SLC24A2: variants seen among roughly 807,000 people sequenced by gnomAD.
SLC24A2 encodes the protein sodium/potassium/calcium exchanger 2.
Under a neutral mutation model 62.0 loss-of-function variants are expected in SLC24A2, and 36 were observed. The observed-to-expected ratio is 0.58, with a 90% CI of 0.44 to 0.77. The LOEUF (loss-of-function observed/expected upper bound fraction) is 0.77. Ranked by LOEUF, SLC24A2 falls within the 30% of genes least tolerant of loss-of-function variation. The pLI, the probability that SLC24A2 is intolerant of heterozygous loss-of-function variation, is 0.00. For missense variants in SLC24A2, 846 were observed against 817.9 expected, an observed-to-expected ratio of 1.03 and a Z score of -0.42; for synonymous variants, 358 against 294.0, an observed-to-expected ratio of 1.22 and a Z score of -2.23.
the SLC24A2 span, among the ~76,000 whole-genome samples, chr9:20,249,864 C>A: frequency 6.6e-6 from 1 of 152,152 alleles, no homozygotes; most frequent in Non-Finnish European, 1.5e-5. Flanking sequence ...TGACCTCTTA[C>A]ACCCAGAAAA....
intron 10 of SLC24A2, 53 bp from the exon 11 acceptor site, chr9:19,516,455 A>C: frequency 6.2e-7 from 1 of 1,601,130 alleles, no homozygotes; most frequent in East Asian, 2.2e-5. Context: ...GGGAGTAGTC[A>C]GACACGTTGA....
chr9:19,862,263 C>A, the SLC24A2 span, among the ~76,000 whole-genome samples: 3 of 152,056 alleles, frequency 2.0e-5, no homozygotes, highest in African/African-American at 7.2e-5. Context: ...CAGTGGAAAC[C>A]TTACAGGCTA....
the SLC24A2 span, among the ~76,000 whole-genome samples, chr9:20,191,592 A>G: frequency 6.6e-6 from 1 of 151,686 alleles, no homozygotes; most frequent in Non-Finnish European, 1.5e-5. Flanking sequence ...ATATCTAAAA[A>G]AATTATCATA....
At chr9:19,945,172 A>C in the SLC24A2 span, among the ~76,000 whole-genome samples, 5 of 152,096 alleles carry the variant, frequency 3.3e-5, no homozygotes, top group Non-Finnish European at 5.9e-5. Context: ...GGCTGGGACA[A>C]TTTTATTTGT....
chr9:20,112,453 T>C, the SLC24A2 span, among the ~76,000 whole-genome samples: 2 of 152,196 alleles, frequency 1.3e-5, no homozygotes, highest in Non-Finnish European at 2.9e-5. Flanking sequence ...GAATGCAGTT[T>C]AAGTTATTCA....
intron 2 of SLC24A2, among the ~76,000 whole-genome samples, chr9:19,769,289 T>C (rs535245248): frequency 6.6e-6 from 1 of 152,310 alleles, no homozygotes; most frequent in African/African-American, 2.4e-5. Context: ...TCAAGATACG[T>C]CCAGCATTTG....
In SLC24A2 at chr9:19,636,417, T is replaced by C. The variant is rs1818356843; in HGVS notation, c.931-14118A>G. Among the ~76,000 whole-genome samples the C allele has an allele frequency of 1.1e-4, 7 of 61,442 alleles. 2 individuals are homozygous for C. Among genetic ancestry groups the C allele is most frequent in the African/African-American group, 4.9e-4 (7 of 14,214 alleles). 40.3% of individuals were successfully genotyped at this position (61,442 alleles called of 152,430 possible). A position where few individuals can be genotyped will look rare whatever the true frequency, so the allele number is the denominator to read the frequency against. On this transcript the variant is annotated intron_variant, in intron 2 of 10. Transcript: ENST00000341998. ...TCTCTCTCTCTCTCTCTTTCTTTCT[T>C]TCCTCTTCTCTTCTCTTCTCTTTTC... is the stretch of plus-strand genomic sequence containing the variant.
chr9:20,210,483 G>C, the SLC24A2 span, among the ~76,000 whole-genome samples: 8 of 149,832 alleles, frequency 5.3e-5, no homozygotes, highest in Admixed American at 4.7e-4. Context: ...TTTTGTTTTT[G>C]TTTTTTTTTG....
At chr9:19,862,342 G>A in the SLC24A2 span, among the ~76,000 whole-genome samples, 2 of 152,062 alleles carry the variant, frequency 1.3e-5, no homozygotes, top group Non-Finnish European at 2.9e-5. Flanking sequence ...AGTATATCTG[G>A]AGAAATTACC....
the SLC24A2 span, among the ~76,000 whole-genome samples, chr9:20,149,535 A>C: frequency 6.6e-6 from 1 of 151,704 alleles, no homozygotes; most frequent in Non-Finnish European, 1.5e-5. Context: ...CAGACTATAA[A>C]GTTTCCATTG....
At chr9:19,534,835 T>C (rs978385659) in intron 8 of SLC24A2, among the ~76,000 whole-genome samples, 2 of 152,170 alleles carry the variant, frequency 1.3e-5, no homozygotes, top group African/African-American at 4.8e-5. Flanking sequence ...ACATGTGTCT[T>C]TATAGTAGAA....
At chr9:20,109,048 G>A in the SLC24A2 span, among the ~76,000 whole-genome samples, 3 of 152,066 alleles carry the variant, frequency 2.0e-5, no homozygotes. Flanking sequence ...TGTTACAACT[G>A]CCTTCAATAT....
chr9:19,706,665 A>G lies in SLC24A2; in HGVS notation c.930+79272T>C, dbSNP rs1820532515. On this transcript the variant is annotated intron_variant, in intron 2 of 10. Coordinates refer to ENST00000341998, the MANE Select transcript of SLC24A2 (RefSeq NM_020344.4). ...AGTGCTGGGATTACAGGCGTGAGCC[A>G]CCGCGCCCGGCCGGGTCTTGATTCT... Among the ~76,000 whole-genome samples the G allele has an allele frequency of 2.0e-5, 3 of 152,150 alleles. No homozygotes were observed. The South Asian group carries it at 6.2e-4, about 32-fold the overall frequency.
At chr9:19,800,435 C>A in the SLC24A2 span, among the ~76,000 whole-genome samples, 1 of 152,176 alleles carries the variant, frequency 6.6e-6, no homozygotes, top group Non-Finnish European at 1.5e-5. Context: ...AGCTCTGGAA[C>A]TTTATTACTT....
chr9:20,116,319 T>C, the SLC24A2 span, among the ~76,000 whole-genome samples: 5 of 152,140 alleles, frequency 3.3e-5, no homozygotes, highest in South Asian at 4.1e-4. Context: ...CTTCCTCTTC[T>C]CTGAATGCCT....
rs1832898612 is a variant in SLC24A2 at position 19,515,806 on chromosome 9, CG to C, written c.*346del. 1 of 332,142 alleles carries C rather than the reference CG, an allele frequency of 3.0e-6. No individual in the cohort carries two copies. The highest frequency in any genetic ancestry group is 2.1e-5 in the African/African-American group (1 of 46,592). The allele number at this position is 332,142 out of a possible 1,614,324, so 20.6% of individuals were successfully genotyped here. A position where few individuals can be genotyped will look rare whatever the true frequency, so the allele number is the denominator to read the frequency against. ...CAGGCAGGATTTGTGTGTTCATGTG[CG>C]TATATTTATAATATGTGTATTTATA... On this transcript the variant is annotated 3_prime_UTR_variant, in exon 11 of 11. Transcript: ENST00000341998.
the SLC24A2 span, among the ~76,000 whole-genome samples, chr9:19,994,938 C>T: frequency 2.0e-5 from 3 of 152,272 alleles, no homozygotes; most frequent in Non-Finnish European, 4.4e-5. Flanking sequence ...ATGGAGATAT[C>T]ACTAATTAAA....
chr9:20,259,156 G>A, the SLC24A2 span, among the ~76,000 whole-genome samples: 1 of 152,136 alleles, frequency 6.6e-6, no homozygotes, highest in East Asian at 1.9e-4. Flanking sequence ...GAAAAGACAT[G>A]AAAACAGATT....
At chr9:20,109,000 T>G in the SLC24A2 span, among the ~76,000 whole-genome samples, 2 of 152,150 alleles carry the variant, frequency 1.3e-5, no homozygotes, top group Non-Finnish European at 2.9e-5. Flanking sequence ...ACCTTTTCCA[T>G]GTTTAGATGT....
Sources: allele counts gnomAD v4.1 joint callset (sites outside exome capture counted in the v4.1 genomes callset), GRCh38; gene constraint gnomAD v4.1.1; transcripts MANE v1.5; gene names NCBI Gene and HGNC (gene_info 2026-07-23, HGNC 2026-07-21).